Variants in UBA5 observed in about 807,000 individuals in gnomAD.
The protein encoded by UBA5 is ubiquitin like modifier activating enzyme 5.
UBA5 carries 28 observed loss-of-function variants against 52.9 expected under a neutral mutation model. The observed-to-expected ratio is 0.53, with a 90% confidence interval of 0.39 to 0.73. The LOEUF (loss-of-function observed/expected upper bound fraction) is 0.73, where lower values mean the gene tolerates loss of function less well. Among genes scored for constraint, UBA5 ranks in the 30% least tolerant of loss-of-function variants. The pLI is 0.00. For missense variants in UBA5, 388 were observed against 492.7 expected, an observed-to-expected ratio of 0.79 and a Z score of 2.01; for synonymous variants, 135 against 162.1, an observed-to-expected ratio of 0.83 and a Z score of 1.27.
At position 132,668,787 on chromosome 3, in the gene UBA5, T is replaced by A. The variant is rs1261076673; in HGVS notation, c.298-31T>A. 3 of 1,428,944 alleles carry A rather than the reference T, an allele frequency of 2.1e-6. No homozygotes were observed. The African/African-American group carries it at 4.3e-5, about 20-fold the overall frequency. 88.5% of individuals were successfully genotyped at this position (1,428,944 alleles called of 1,614,324 possible). A position where few individuals can be genotyped will look rare whatever the true frequency, so the allele number is the denominator to read the frequency against. On this transcript the variant is annotated intron_variant, in intron 3 of 11. Transcript: ENST00000356232. ...GATATGTTTAGTTTTTTGGTATGTTTTTCATCAGAATACCACTATTTTCAT... is the reference window on the plus strand; with the variant it reads ...GATATGTTTAGTTTTTTGGTATGTTATTCATCAGAATACCACTATTTTCAT...
chr3:132,656,469 C>T (rs924869735), upstream of UBA5, among the ~76,000 whole-genome samples: 2 of 151,628 alleles, frequency 1.3e-5, no homozygotes, highest in Non-Finnish European at 2.9e-5. Context: ...CCTGTTGCCC[C>T]ATATCCTGAT....
At chr3:132,668,299 T>C (rs1315715850) in intron 3 of UBA5, 1 of 152,558 alleles carries the variant, frequency 6.6e-6, no homozygotes, top group African/African-American at 2.4e-5. Context: ...CACTGGTATA[T>C]ATTTTGTCAT....
At position 132,660,960 on chromosome 3, in the gene UBA5, C is replaced by T. The variant is rs1223612422; in HGVS notation, c.161+262C>T. The T allele has an allele frequency of 1.5e-5, 22 of 1,493,426 alleles. No homozygotes were observed. In the East Asian group the frequency reaches 3.2e-4, roughly 22 times the overall value. The allele number at this position is 1,493,426 out of a possible 1,614,324, so 92.5% of individuals were successfully genotyped here. ...AGGACGTGTGTCCAGTTTCCTATCA[C>T]CCTTGCCTCTTAATTAGTCCGCCTC... is the stretch of plus-strand genomic sequence containing the variant. On this transcript the variant is annotated intron_variant, in intron 1 of 11. Coordinates refer to ENST00000356232, the MANE Select transcript of UBA5 (RefSeq NM_024818.6). This position sits in a 1 kb window ranked among gnomAD's most constrained non-coding sequence, Gnocchi z 4.1.
chr3:132,655,472 G>A (rs370555414), upstream of UBA5, among the ~76,000 whole-genome samples: 1 of 152,178 alleles, frequency 6.6e-6, no homozygotes, highest in Non-Finnish European at 1.5e-5. Context: ...CATTTGGGCT[G>A]TGTTTCCTCA....
Position 132,660,778 on chromosome 3 carries a change from G to C in UBA5, c.161+80G>C. On this transcript the variant is annotated intron_variant, in intron 1 of 11. Coordinates refer to ENST00000356232, the MANE Select transcript of UBA5 (RefSeq NM_024818.6). This position sits in a 1 kb window ranked among gnomAD's most constrained non-coding sequence, Gnocchi z 4.1. ...AGGTCAGAAGTGAGGCGCTTCCCAC[G>C]TCCCGCTCATGGGGACGCCCGCCAC... is the stretch of plus-strand genomic sequence containing the variant. The C allele has an allele frequency of 6.9e-7, 1 of 1,452,826 alleles. No homozygotes were observed. Among genetic ancestry groups the C allele is most frequent in the Non-Finnish European group, 9.1e-7 (1 of 1,099,982 alleles). The allele number at this position is 1,452,826 out of a possible 1,614,324, so 90.0% of individuals were successfully genotyped here. A position where few individuals can be genotyped will look rare whatever the true frequency, so the allele number is the denominator to read the frequency against.
In UBA5 at chr3:132,677,738, A is replaced by G. The variant is rs1447525753; in HGVS notation, c.*1212A>G. The G allele has an allele frequency of 1.3e-5, 2 of 152,246 alleles. No individual in the cohort carries two copies. The highest frequency in any genetic ancestry group is 4.8e-5 in the African/African-American group (2 of 41,468). The allele number at this position is 152,246 out of a possible 1,614,324, so 9.4% of individuals were successfully genotyped here. A position where few individuals can be genotyped will look rare whatever the true frequency, so the allele number is the denominator to read the frequency against. On this transcript the variant is annotated 3_prime_UTR_variant, in exon 12 of 12. Coordinates refer to ENST00000356232, the MANE Select transcript of UBA5 (RefSeq NM_024818.6). ...GAAAATGTTGTAAAAAATTAAAAGT[A>G]CATCCCTGATTGTAAAATAAAGTTC...
intron 8 of UBA5, among the ~76,000 whole-genome samples, chr3:132,673,119 G>A (rs1294490297): frequency 1.3e-5 from 2 of 152,022 alleles, no homozygotes; most frequent in African/African-American, 4.8e-5. Flanking sequence ...TCATATAAGA[G>A]CAAATAGCCT....
chr3:132,670,345 A>G, intron 5 of UBA5, 61 bp downstream of exon 5: 1 of 722,044 alleles, frequency 1.4e-6, no homozygotes, highest in Non-Finnish European at 2.2e-6. Context: ...GAAAATTATT[A>G]GAAAAATCTA....
upstream of UBA5, chr3:132,659,412 C>T: frequency 3.0e-6 from 2 of 669,836 alleles, no homozygotes; most frequent in South Asian, 2.2e-5. Context: ...CCATTACCGC[C>T]CTCCAATTGG....
At chr3:132,671,567 T>C (rs1418543299) in intron 6 of UBA5, among the ~76,000 whole-genome samples, 1 of 152,204 alleles carries the variant, frequency 6.6e-6, no homozygotes, top group Non-Finnish European at 1.5e-5. Flanking sequence ...TTTAATAATA[T>C]TTACTGACTG....
rs1182336473 is a variant in UBA5, at chr3:132,678,686, G to C, written c.*2160G>C. The stretch of plus-strand genomic sequence containing the variant: ...TTTTTTTGAGACAGAGTCTCACTCT[G>C]TTGCCCAGGCTGGAGTGCAGTGGCA... On this transcript the variant is annotated 3_prime_UTR_variant, in exon 12 of 12. Coordinates refer to ENST00000356232, the MANE Select transcript of UBA5 (RefSeq NM_024818.6). Among the ~76,000 whole-genome samples, 4 of 152,048 alleles carry C rather than the reference G, an allele frequency of 2.6e-5. No individual in the cohort carries two copies. Among genetic ancestry groups the C allele is most frequent in the Non-Finnish European group, 5.9e-5 (4 of 68,010 alleles).
chr3:132,664,293 C>T (rs1411345671), intron 1 of UBA5, among the ~76,000 whole-genome samples: 1 of 152,178 alleles, frequency 6.6e-6, no homozygotes, highest in Non-Finnish European at 1.5e-5. Flanking sequence ...TAACTTTAGA[C>T]TTCTTTACCA....
upstream of UBA5, among the ~76,000 whole-genome samples, chr3:132,656,284 C>T (rs1473412008): frequency 6.6e-6 from 1 of 152,138 alleles, no homozygotes; most frequent in Non-Finnish European, 1.5e-5. Context: ...GTACAATGAA[C>T]ATCTTTGTAG....
intron 1 of UBA5, among the ~76,000 whole-genome samples, chr3:132,662,748 T>C (rs966720278): frequency 6.6e-6 from 1 of 152,156 alleles, no homozygotes; most frequent in African/African-American, 2.4e-5. Context: ...GGAGAGGCTT[T>C]GAGATTAGAA....
intron 4 of UBA5, among the ~76,000 whole-genome samples, chr3:132,669,337 G>A (rs186203473): frequency 2.0e-5 from 3 of 151,866 alleles, no homozygotes; most frequent in South Asian, 2.1e-4. Flanking sequence ...ACACAATCTC[G>A]GCTCACTGCA....
At chr3:132,672,349 ATATATG>A (rs1484155726) in intron 8 of UBA5, among the ~76,000 whole-genome samples, 172 bp downstream of exon 8, 1 of 145,186 alleles carries the variant, frequency 6.9e-6, no homozygotes, top group African/African-American at 2.8e-5. Context: ...ATTCTATTTT[ATATATG>A]TATGTCTACT....
At chr3:132,671,749 C>T (rs1302475622) in intron 6 of UBA5, 28 bp from the exon 7 acceptor site, 18 of 1,523,210 alleles carry the variant, frequency 1.2e-5, no homozygotes, top group Admixed American at 6.1e-5. Context: ...TATTTTTTTT[C>T]CTTATGTTTT....
chr3:132,667,968 G>A (rs1295266646), intron 3 of UBA5: 3 of 152,082 alleles, frequency 2.0e-5, no homozygotes, highest in African/African-American at 7.2e-5. Flanking sequence ...GGCTATCTAG[G>A]TGTTATGGGT....
chr3:132,654,554 C>G (rs752287654), exon 1 of UBA5: 2 of 152,130 alleles, frequency 1.3e-5, no homozygotes, highest in Non-Finnish European at 2.9e-5. Context: ...TGTGGAGAGC[C>G]GTAAAAGCCA....
Sources: gnomAD v4.1 joint callset for allele counts (sites outside exome capture counted in the v4.1 genomes callset) on GRCh38, gnomAD v4.1.1 for gene constraint, Gnocchi (gnomAD v3.1) non-coding constraint, MANE v1.5 for transcripts, NCBI Gene and HGNC (gene_info 2026-07-23, HGNC 2026-07-21) for gene names.